Variants in ABTB2 observed in about 807,000 individuals in gnomAD.
ABTB2 encodes the protein ankyrin repeat and BTB domain containing 2.
A neutral mutation model predicts 104.1 loss-of-function variants in ABTB2; 56 were observed. The ratio of observed to expected loss-of-function variants is 0.54; its 90% confidence interval spans 0.43 to 0.67. The LOEUF (loss-of-function observed/expected upper bound fraction) is 0.67, where lower values mean the gene tolerates loss of function less well. Among genes scored for constraint, ABTB2 ranks in the 30% least tolerant of loss-of-function variants. The pLI is 0.00. For synonymous variants in ABTB2, 606 were observed against 608.2 expected (o/e 1.00, Z 0.05); for missense variants, 1,279 against 1,407.7 (o/e 0.91, Z 1.46).
At chr11:34,338,996 G>A (rs1467920984) in intron 1 of ABTB2, among the ~76,000 whole-genome samples, 1 of 152,156 alleles carries the variant, frequency 6.6e-6, no homozygotes, top group East Asian at 1.9e-4. Flanking sequence ...TGGCTCAAAG[G>A]AGAAAATGCA....
chr11:34,275,392 C>T (rs1442195310), intron 1 of ABTB2, among the ~76,000 whole-genome samples: 1 of 152,154 alleles, frequency 6.6e-6, no homozygotes, highest in Non-Finnish European at 1.5e-5. Context: ...GCTGTAGAAG[C>T]CACACACACT....
intron 2 of ABTB2, among the ~76,000 whole-genome samples, chr11:34,198,456 A>AC (rs1302156346): frequency 2.1e-5 from 3 of 142,074 alleles, no homozygotes; most frequent in Non-Finnish European, 4.6e-5. Flanking sequence ...AACAACAACA[A>AC]AAAAAAACAA....
chr11:34,235,200 T>A (rs958459947), intron 1 of ABTB2, among the ~76,000 whole-genome samples: 1 of 152,126 alleles, frequency 6.6e-6, no homozygotes, highest in Admixed American at 6.6e-5. Context: ...TTGCTCAGTA[T>A]CTGGTGCCCC....
At chr11:34,318,178 A>G (rs1239691536) in intron 1 of ABTB2, among the ~76,000 whole-genome samples, 3 of 152,176 alleles carry the variant, frequency 2.0e-5, no homozygotes, top group African/African-American at 4.8e-5. Context: ...CACATTGGCC[A>G]GGCCAGTCTC....
chr11:34,357,984 G>A lies in ABTB2; in HGVS notation c.-401C>T, dbSNP rs997098460. The A allele has an allele frequency of 1.1e-5, 2 of 182,022 alleles. No homozygotes were observed. The highest frequency in any genetic ancestry group is 2.3e-5 in the Non-Finnish European group (2 of 88,566). 11.3% of individuals were successfully genotyped at this position (182,022 alleles called of 1,614,324 possible). ...CGCAGCGCGAGTCCGGGACCAGCCG[G>A]CGAGAAAGCGCTCTGCAAACTTCTG... On this transcript the variant is annotated 5_prime_UTR_variant, in exon 1 of 17. Coordinates refer to ENST00000435224, the MANE Select transcript of ABTB2 (RefSeq NM_145804.3).
chr11:34,317,479 A>G (rs1292931392), intron 1 of ABTB2, among the ~76,000 whole-genome samples: 1 of 152,140 alleles, frequency 6.6e-6, no homozygotes, highest in Non-Finnish European at 1.5e-5. Context: ...TTGGTCAACG[A>G]AATTAAGAAT....
At chr11:34,237,921 C>A (rs1481238753) in intron 1 of ABTB2, among the ~76,000 whole-genome samples, 18 of 151,912 alleles carry the variant, frequency 1.2e-4, no homozygotes, top group Admixed American at 1.0e-3. Context: ...AAACGCTATG[C>A]CACCCACCAC....
At chr11:34,314,446 T>C (rs2133106995) in intron 1 of ABTB2, among the ~76,000 whole-genome samples, 2 of 152,356 alleles carry the variant, frequency 1.3e-5, no homozygotes, top group East Asian at 1.9e-4. Context: ...ATAGTATTTG[T>C]TGCATGAAGA....
chr11:34,244,974 CT>C (rs1003156208), intron 1 of ABTB2, among the ~76,000 whole-genome samples: 1 of 152,128 alleles, frequency 6.6e-6, no homozygotes, highest in Non-Finnish European at 1.5e-5. Flanking sequence ...CGCCAGTGCA[CT>C]CCAGTCTGGA....
chr11:34,235,855 A>C (rs1853836172), intron 1 of ABTB2, among the ~76,000 whole-genome samples: 1 of 152,160 alleles, frequency 6.6e-6, no homozygotes, highest in South Asian at 2.1e-4. Flanking sequence ...AGGTAAGGAG[A>C]CCAAGCTGAG....
Position 34,342,240 on chromosome 11 carries a change from G to T in ABTB2, c.883+14461C>A, listed in dbSNP as rs546458331. Among the ~76,000 whole-genome samples the T allele has an allele frequency of 3.9e-5, 6 of 152,192 alleles. 1 individual carries two copies. The East Asian group carries it at 5.8e-4, about 15-fold the overall frequency. ...TTCATACGGTATTATCTTTAAACAC[G>T]CAGAGAAACAAATACCTACCCCACA... is the stretch of plus-strand genomic sequence containing the variant. On this transcript the variant is annotated intron_variant, in intron 1 of 16. Coordinates refer to ENST00000435224, the MANE Select transcript of ABTB2 (RefSeq NM_145804.3).
intron 1 of ABTB2, among the ~76,000 whole-genome samples, chr11:34,262,303 G>A (rs568496390): frequency 1.1e-3 from 167 of 152,244 alleles, no homozygotes; most frequent in Non-Finnish European, 2.0e-3. Context: ...AATTTAAGGG[G>A]CTTGGACTCT....
intron 1 of ABTB2, among the ~76,000 whole-genome samples, chr11:34,224,271 A>G (rs1181709682): frequency 6.6e-6 from 1 of 152,066 alleles, no homozygotes; most frequent in Non-Finnish European, 1.5e-5. Context: ...CGGCCTCCCA[A>G]AGTGCTGGGA....
intron 1 of ABTB2, among the ~76,000 whole-genome samples, chr11:34,230,849 T>C (rs1853759163): frequency 6.6e-6 from 1 of 152,184 alleles, no homozygotes; most frequent in Non-Finnish European, 1.5e-5. Flanking sequence ...AAGGAGTATA[T>C]CCAGTGCCCA....
At position 34,273,569 on chromosome 11, in the gene ABTB2, C is replaced by A. The variant is rs1854345721; in HGVS notation, c.884-68879G>T. ...ACTCCTCCTCCATCTGAACTGTGGC[C>A]CCTTGATGGGCTTCATGGCTGAGTA... On this transcript the variant is annotated intron_variant, in intron 1 of 16. Transcript: ENST00000435224. Among the ~76,000 whole-genome samples, 3 of 152,114 alleles carry A rather than the reference C, an allele frequency of 2.0e-5. No homozygotes were observed. The South Asian group carries it at 6.2e-4, about 32-fold the overall frequency.
intron 3 of ABTB2, among the ~76,000 whole-genome samples, chr11:34,184,079 T>C (rs1245785632): frequency 7.0e-6 from 1 of 142,206 alleles, no homozygotes; most frequent in Non-Finnish European, 1.5e-5. Flanking sequence ...TTTTTTTTTT[T>C]GTAGAGACAG....
At chr11:34,228,130 G>A (rs1354357793) in intron 1 of ABTB2, among the ~76,000 whole-genome samples, 1 of 72,796 alleles carries the variant, frequency 1.4e-5, no homozygotes, top group Non-Finnish European at 3.0e-5. Context: ...CATGATCTTG[G>A]CTCACTGCAA....
chr11:34,241,381 C>T (rs2133063319), intron 1 of ABTB2, among the ~76,000 whole-genome samples: 1 of 152,186 alleles, frequency 6.6e-6, no homozygotes, highest in East Asian at 1.9e-4. Context: ...AGGGACAGTC[C>T]AAGGGTGCCC....
rs1441712921 is a variant in ABTB2 at position 34,159,312 on chromosome 11, T to G, written c.2681A>C (p.Lys894Thr). ...CCCACACACCTGAAAAATGTGGTAC[T>G]TCATGTCGCTGATCTCGATGGTCTT... ...SSKTIEISDM[K>T]YHIFQMMMQY... is the part of the protein sequence containing the mutation. The change falls in exon 14 of 17, where the codon AAG becomes ACG. Residue 894 changes from lysine (K) to threonine (T), a missense_variant. Transcript: ENST00000435224. 2 of 1,613,686 alleles carry G rather than the reference T, an allele frequency of 1.2e-6. No individual in the cohort carries two copies. The highest frequency in any genetic ancestry group is 2.7e-5 in the African/African-American group (2 of 74,884).
Sources: allele counts gnomAD v4.1 joint callset (sites outside exome capture counted in the v4.1 genomes callset), GRCh38; gene constraint gnomAD v4.1.1; transcripts MANE v1.5; gene names NCBI Gene and HGNC (gene_info 2026-07-23, HGNC 2026-07-21).